DNMT3A: variants seen among roughly 807,000 people sequenced by gnomAD.
DNMT3A encodes DNA (cytosine-5)-methyltransferase 3A.
DNMT3A carries 267 observed loss-of-function variants against 117.6 expected under a neutral mutation model. That is an observed-to-expected ratio of 2.27 (90% CI 2.05 to 2.51). The LOEUF is 2.51. Among genes scored for constraint, DNMT3A ranks in the 30% most tolerant of loss-of-function variants. The pLI is 0.00. For missense variants in DNMT3A, 1,029 were observed against 1,260.2 expected (o/e 0.82, Z 2.78); for synonymous variants, 432 against 474.8 (o/e 0.91, Z 1.17).
chr2:25,314,671 G>A (rs1023209103), intron 1 of DNMT3A: 1 of 985,424 alleles, frequency 1.0e-6, no homozygotes, highest in Non-Finnish European at 1.2e-6. Flanking sequence ...ACCGGTGCCT[G>A]GGCCCAGAGA....
chr2:25,251,763 A>T (rs1192000210), intron 6 of DNMT3A: 1 of 234,170 alleles, frequency 4.3e-6, no homozygotes, highest in Admixed American at 5.7e-5. Flanking sequence ...AGAGGCCGCA[A>T]GCTGGCAGGG....
chr2:25,331,655 C>A (rs950262867), intron 1 of DNMT3A, among the ~76,000 whole-genome samples: 2 of 152,184 alleles, frequency 1.3e-5, no homozygotes, highest in African/African-American at 4.8e-5. Flanking sequence ...TGCAAGGGTG[C>A]GAGCACCTTC....
chr2:25,246,361 C>T (rs1187849287), intron 10 of DNMT3A, 52 bp from the exon 11 acceptor site: 3 of 1,549,840 alleles, frequency 1.9e-6, no homozygotes, highest in East Asian at 2.3e-5. Flanking sequence ...CAGGAAACTC[C>T]AGCCCCTTCC....
chr2:25,281,957 T>G lies in DNMT3A; in HGVS notation c.448+484A>C, dbSNP rs2031910391. On this transcript the variant is annotated intron_variant, in intron 4 of 22. Transcript: ENST00000321117. This position sits in a 1 kb window ranked among gnomAD's most constrained non-coding sequence, Gnocchi z 4.8. ...TCAGGGAGGCAAACAGGGTATCTGC[T>G]GCCCTTGAGTGCCCAGGCCAGGGGC... 9.2e-7 allele frequency: 1 copy of G among 1,086,748 alleles called. No homozygotes were observed. The highest frequency in any genetic ancestry group is 1.1e-6 in the Non-Finnish European group (1 of 891,546). 67.3% of individuals were successfully genotyped at this position (1,086,748 alleles called of 1,614,324 possible). A position where few individuals can be genotyped will look rare whatever the true frequency, so the allele number is the denominator to read the frequency against.
upstream of DNMT3A, chr2:25,342,035 C>T (rs913311383): frequency 5.5e-6 from 4 of 722,588 alleles, no homozygotes; most frequent in Non-Finnish European, 6.7e-6. The surrounding 1 kb of genome is among the most constrained non-coding windows in gnomAD (Gnocchi z 5.9). Flanking sequence ...CCCCTCCCAC[C>T]CCTTCTCTCC....
chr2:25,332,179 G>A (rs1478596502), intron 1 of DNMT3A, among the ~76,000 whole-genome samples: 9 of 152,130 alleles, frequency 5.9e-5, no homozygotes, highest in Admixed American at 5.9e-4. Flanking sequence ...TAAATCCCAA[G>A]CCCAACGTCC....
chr2:25,285,570 G>C (rs1029039530), intron 3 of DNMT3A, among the ~76,000 whole-genome samples: 2 of 152,252 alleles, frequency 1.3e-5, no homozygotes, highest in African/African-American at 4.8e-5. Context: ...GGAGGCAGGG[G>C]GCTGCAACGA....
intron 3 of DNMT3A, among the ~76,000 whole-genome samples, chr2:25,284,965 G>C (rs2032189884): frequency 6.6e-6 from 1 of 152,204 alleles, no homozygotes; most frequent in Admixed American, 6.5e-5. Flanking sequence ...CTCCATCCCA[G>C]TGCAGATGGA....
Position 25,236,850 on chromosome 2 carries a change from G to T in DNMT3A, c.2478+86C>A. ...CTCCACACTAGCTGGAGAAGCAGGC[G>T]GGACAAGGCCCTGGCCACCGCTCCA... On this transcript the variant is annotated intron_variant, in intron 21 of 22. Coordinates refer to ENST00000321117, the MANE Select transcript of DNMT3A (RefSeq NM_022552.5). This position sits in a 1 kb window ranked among gnomAD's most constrained non-coding sequence, Gnocchi z 4.5. 1 of 1,386,150 alleles carries T rather than the reference G, an allele frequency of 7.2e-7. No individual in the cohort carries two copies. 85.9% of individuals were successfully genotyped at this position (1,386,150 alleles called of 1,614,324 possible).
chr2:25,333,207 T>C (rs931054559), intron 1 of DNMT3A, among the ~76,000 whole-genome samples: 2 of 108,988 alleles, frequency 1.8e-5, no homozygotes, highest in African/African-American at 6.8e-5. Flanking sequence ...TCCCTGCCAC[T>C]CCCCTGTGGC....
intron 6 of DNMT3A, 67 bp from the exon 7 acceptor site, chr2:25,248,319 A>G: frequency 6.5e-7 from 1 of 1,541,780 alleles, no homozygotes. Context: ...CCTGACACTC[A>G]AGGGGACCAT....
At chr2:25,243,076 G>T (rs1167242889) in intron 16 of DNMT3A, among the ~76,000 whole-genome samples, 1 of 152,180 alleles carries the variant, frequency 6.6e-6, no homozygotes, top group African/African-American at 2.4e-5. Flanking sequence ...GGAGGCCGAG[G>T]TGGGCGGATC....
rs1558650788 is a variant in DNMT3A, at chr2:25,234,296, A to T, written c.2722T>A (p.Tyr908Asn). Reference sequence around the variant, plus strand: ...CATGTCCCTTACACACACGCAAAATACTCCTTCAGCGGAGCGAAGAGGTGG... The same window carrying T: ...CATGTCCCTTACACACACGCAAAATTCTCCTTCAGCGGAGCGAAGAGGTGG... ...IRHLFAPLKEYFACV is the reference protein window; with the variant it reads ...IRHLFAPLKENFACV Residue 908 changes from tyrosine to asparagine, a missense_variant, in exon 23 of 23, where the codon TAT becomes AAT. Transcript: ENST00000321117. This position sits in a 1 kb window ranked among gnomAD's most constrained non-coding sequence, Gnocchi z 4.5. 1.2e-6 allele frequency: 2 copies of T among 1,613,188 alleles called. No individual in the cohort carries two copies. Among genetic ancestry groups the T allele is most frequent in the African/African-American group, 1.3e-5 (1 of 74,894 alleles).
intron 2 of DNMT3A, among the ~76,000 whole-genome samples, chr2:25,300,867 A>G (rs1457024869): frequency 1.4e-5 from 2 of 147,072 alleles, no homozygotes; most frequent in East Asian, 2.0e-4. Flanking sequence ...CCATAAAATC[A>G]TAACACAAGC....
At chr2:25,310,483 G>C (rs2034052530) in intron 2 of DNMT3A, among the ~76,000 whole-genome samples, 1 of 152,114 alleles carries the variant, frequency 6.6e-6, no homozygotes, top group Non-Finnish European at 1.5e-5. Flanking sequence ...GGGTAGGGCA[G>C]GCGGCAGGTG....
chr2:25,234,360 C>T lies in DNMT3A; in HGVS notation c.2658G>A (p.Gln886=), dbSNP rs375544980. 397 of 1,614,158 alleles carry T rather than the reference C, an allele frequency of 2.5e-4. No homozygotes were observed. The highest frequency in any genetic ancestry group is 3.2e-4 in the Non-Finnish European group (374 of 1,180,026). The change falls in exon 23 of 23, where the codon CAG becomes CAA. Residue 886 remains glutamine (Q), a synonymous_variant. Transcript: ENST00000321117. The surrounding 1 kb of genome is among the most constrained non-coding windows in gnomAD (Gnocchi z 4.5). ...DVSNMSRLAR[Q]RLLGRSWSVP... is the part of the protein sequence containing the mutation. ...CGCTCCATGACCGGCCCAGCAGTCT[C>T]TGCCTCGCCAAGCGGCTCATGTTGG...
chr2:25,317,060 T>A (rs1274906170), intron 1 of DNMT3A, among the ~76,000 whole-genome samples: 6 of 152,106 alleles, frequency 3.9e-5, no homozygotes, highest in Non-Finnish European at 8.8e-5. Context: ...AGAAACATTT[T>A]TTGTTTGTTT....
At chr2:25,300,390 C>T (rs543950946) in intron 2 of DNMT3A, 147 bp from the exon 3 acceptor site, 1 of 837,874 alleles carries the variant, frequency 1.2e-6, no homozygotes, top group South Asian at 1.9e-5. Flanking sequence ...TGTAATATGC[C>T]CCCACCAACT....
Position 25,298,939 on chromosome 2 carries a change from C to CT in DNMT3A, c.177+1199_177+1200insA, listed in dbSNP as rs1307586626. On this transcript the variant is annotated intron_variant, in intron 3 of 22. Transcript: ENST00000321117. The surrounding 1 kb of genome is among the most constrained non-coding windows in gnomAD (Gnocchi z 4.3). ...CCCCCCACCTCCAGGAACTCACCACCCCCCCCGCCTCTACTGTCCCATTTC... is the reference window on the plus strand; with the variant it reads ...CCCCCCACCTCCAGGAACTCACCACCTCCCCCCGCCTCTACTGTCCCATTTC... 6.6e-6 allele frequency among the ~76,000 whole-genome samples: 1 copy of CT among 150,456 alleles called. No individual in the cohort carries two copies. The highest frequency in any genetic ancestry group is 1.5e-5 in the Non-Finnish European group (1 of 67,390).
Sources: allele counts gnomAD v4.1 joint callset (sites outside exome capture counted in the v4.1 genomes callset), GRCh38; gene constraint gnomAD v4.1.1; non-coding constraint Gnocchi (gnomAD v3.1); transcripts MANE v1.5; gene names NCBI Gene and HGNC (gene_info 2026-07-23, HGNC 2026-07-21).